PTPRS: variants seen among roughly 807,000 people sequenced by gnomAD.
PTPRS encodes protein tyrosine phosphatase receptor type S.
A neutral mutation model predicts 215.3 loss-of-function variants in PTPRS; 63 were observed. The ratio of observed to expected loss-of-function variants is 0.29; its 90% CI spans 0.24 to 0.36. PTPRS has a LOEUF of 0.36. PTPRS is among the 10% of genes least tolerant of loss of function. PTPRS has a pLI of 1.00. For missense variants in PTPRS, 2,258 were observed against 2,825.8 expected, an observed-to-expected ratio of 0.80 and a Z score of 4.56; for synonymous variants, 1,404 against 1,191.4, an observed-to-expected ratio of 1.18 and a Z score of -3.68.
intron 1 of PTPRS, among the ~76,000 whole-genome samples, chr19:5,310,800 A>G (rs1284745710): frequency 6.6e-6 from 1 of 151,986 alleles, no homozygotes; most frequent in Non-Finnish European, 1.5e-5. Flanking sequence ...TGAACTCCTC[A>G]GCTCAAGTGA....
Position 5,222,989 on chromosome 19 carries a change from G to C in PTPRS, c.2803C>G (p.Leu935Val), listed in dbSNP as rs1064296. 2 of 1,541,398 alleles carry C rather than the reference G, an allele frequency of 1.3e-6. No individual in the cohort carries two copies. The highest frequency in any genetic ancestry group is 2.8e-5 in the African/African-American group (2 of 72,720). Residue 935 changes from leucine to valine, a missense_variant, in exon 18 of 38, where the codon CTG becomes GTG. Physicochemically the swap from Leu to Val is conservative, Grantham distance 32. Coordinates refer to ENST00000262963, the MANE Select transcript of PTPRS (RefSeq NM_002850.4). ...EDTPRGHPQI[L>V]EAAGNASAGT... ...GCCGAGGCGTTGCCGGCCGCCTCCA[G>C]AATCTGCGGGTGGCCACGGGGCGTG...
chr19:5,291,104 T>C (rs2146974713), intron 1 of PTPRS, among the ~76,000 whole-genome samples: 1 of 152,100 alleles, frequency 6.6e-6, no homozygotes, highest in East Asian at 2.0e-4. Context: ...GACCTGGCTT[T>C]AATTGACTAT....
At chr19:5,226,147 G>A (rs1032305550) in intron 16 of PTPRS, among the ~76,000 whole-genome samples, 6 of 152,148 alleles carry the variant, frequency 3.9e-5, no homozygotes, top group South Asian at 4.1e-4. Context: ...GCCAGAGGGC[G>A]CCTGTGAGCA....
At chr19:5,212,520 C>G (rs755691300) in intron 30 of PTPRS, 29 bp from the exon 31 acceptor site, 1 of 1,555,920 alleles carries the variant, frequency 6.4e-7, no homozygotes, top group Non-Finnish European at 8.7e-7. Context: ...TCACCTGTCA[C>G]TCCGGCTCAA....
chr19:5,241,326 T>A (rs1056977829), intron 11 of PTPRS, among the ~76,000 whole-genome samples: 1 of 151,694 alleles, frequency 6.6e-6, no homozygotes, highest in African/African-American at 2.4e-5. Context: ...CTGTGTCACC[T>A]AGGCTGGAGT....
chr19:5,274,175 C>T lies in PTPRS; in HGVS notation c.237+24G>A, dbSNP rs368324339. 8 of 1,596,180 alleles carry T rather than the reference C, an allele frequency of 5.0e-6. No homozygotes were observed. In the African/African-American group the frequency reaches 1.1e-4, roughly 21 times the overall value. On this transcript the variant is annotated intron_variant, in intron 3 of 37. Coordinates refer to ENST00000262963, the MANE Select transcript of PTPRS (RefSeq NM_002850.4). ...GCCTTGGGGGAGCATTGACCCCAGG[C>T]TGCCTCCCCCTACCCCAACTCACCT...
Position 5,216,742 on chromosome 19 carries a change from C to T in PTPRS, c.4074G>A (p.Arg1358=). The T allele has an allele frequency of 1.9e-6, 3 of 1,578,322 alleles. No homozygotes were observed. The highest frequency in any genetic ancestry group is 2.6e-6 in the Non-Finnish European group (3 of 1,161,290). The change falls in exon 26 of 38, where the codon AGG becomes AGA. Residue 1358 remains arginine, a synonymous_variant. Coordinates refer to ENST00000262963, the MANE Select transcript of PTPRS (RefSeq NM_002850.4). ...AACTTTCAAAGTGAAACCCCGGCTC[C>T]CTGAGGGGGCTCCTGAGGCCTGAAT... is the stretch of plus-strand genomic sequence containing the variant. ...TPDSGLRSPL[R]EPGFHFESML...
intron 9 of PTPRS, among the ~76,000 whole-genome samples, chr19:5,254,949 GCT>G (rs1382385369): frequency 3.9e-5 from 6 of 152,196 alleles, no homozygotes; most frequent in African/African-American, 1.4e-4. Flanking sequence ...TGAAAATGGT[GCT>G]GTTATTGTCC....
intron 35 of PTPRS, among the ~76,000 whole-genome samples, chr19:5,208,967 G>A (rs1268488533): frequency 6.6e-6 from 1 of 152,090 alleles, no homozygotes; most frequent in Non-Finnish European, 1.5e-5. Flanking sequence ...CATCAATGAT[G>A]ACTCATCTTC....
At chr19:5,266,693 C>A (rs1168512944) in intron 4 of PTPRS, among the ~76,000 whole-genome samples, 3 of 152,068 alleles carry the variant, frequency 2.0e-5, no homozygotes, top group African/African-American at 2.4e-5. Flanking sequence ...ACACTGCTCC[C>A]CCGCTGTACA....
intron 16 of PTPRS, among the ~76,000 whole-genome samples, chr19:5,226,451 C>T (rs2145526101): frequency 6.6e-6 from 1 of 152,284 alleles, no homozygotes; most frequent in African/African-American, 2.4e-5. Context: ...CTGTACGAGG[C>T]TGGGCGCAGT....
intron 17 of PTPRS, among the ~76,000 whole-genome samples, chr19:5,224,031 G>A (rs1303691151): frequency 6.6e-6 from 1 of 151,844 alleles, no homozygotes; most frequent in Non-Finnish European, 1.5e-5. Context: ...ATACAAAAAT[G>A]AGCCGGGGGT....
intron 5 of PTPRS, among the ~76,000 whole-genome samples, chr19:5,264,205 G>GTT (rs1308542291): frequency 5.3e-5 from 5 of 94,538 alleles, no homozygotes; most frequent in Non-Finnish European, 1.0e-4. Flanking sequence ...TCTCCCTGTA[G>GTT]TTTTCTATGG....
chr19:5,315,964 G>A (rs905395689), intron 1 of PTPRS, among the ~76,000 whole-genome samples: 4 of 150,368 alleles, frequency 2.7e-5, no homozygotes, highest in South Asian at 2.1e-4. Flanking sequence ...ATCTGGGGCC[G>A]GGGTGGGGGG....
chr19:5,289,549 C>G (rs896210200), intron 1 of PTPRS, among the ~76,000 whole-genome samples: 1 of 152,192 alleles, frequency 6.6e-6, no homozygotes, highest in Non-Finnish European at 1.5e-5. Context: ...AGGTCCTGCA[C>G]GACCTGCCCT....
intron 16 of PTPRS, 107 bp from the exon 17 acceptor site, chr19:5,225,951 A>C: frequency 1.1e-6 from 1 of 882,598 alleles, no homozygotes; most frequent in Non-Finnish European, 1.8e-6. Flanking sequence ...GGCCCGGATC[A>C]GGGGTGGAGA....
chr19:5,272,544 G>C (rs937551141), intron 4 of PTPRS, among the ~76,000 whole-genome samples: 2 of 136,930 alleles, frequency 1.5e-5, no homozygotes, highest in East Asian at 4.4e-4. Context: ...GTTGCAGTGA[G>C]CTGAGATAAT....
intron 2 of PTPRS, among the ~76,000 whole-genome samples, chr19:5,281,642 C>T (rs2047857820): frequency 6.6e-6 from 1 of 152,150 alleles, no homozygotes; most frequent in African/African-American, 2.4e-5. Flanking sequence ...CTTCTGGCCT[C>T]AGGAATGGTG....
At chr19:5,236,952 C>CAA (rs1568444623) in intron 13 of PTPRS, among the ~76,000 whole-genome samples, 1 of 150,940 alleles carries the variant, frequency 6.6e-6, no homozygotes, top group Non-Finnish European at 1.5e-5. Flanking sequence ...AAATAAGAAA[C>CAA]AACAGTGATG....
Sources: gnomAD v4.1 joint callset for allele counts (sites outside exome capture counted in the v4.1 genomes callset) on GRCh38, gnomAD v4.1.1 for gene constraint, MANE v1.5 for transcripts, NCBI Gene and HGNC (gene_info 2026-07-23, HGNC 2026-07-21) for gene names.